Variants in PPP1R12B observed in about 807,000 individuals in gnomAD.
PPP1R12B encodes the protein protein phosphatase 1 regulatory subunit 12B.
PPP1R12B carries 76 observed loss-of-function variants against 126.1 expected under a neutral mutation model. The observed-to-expected ratio is 0.60, with a 90% CI of 0.50 to 0.73. The LOEUF (loss-of-function observed/expected upper bound fraction) is 0.73, where lower values mean the gene tolerates loss of function less well. Among genes scored for constraint, PPP1R12B ranks in the 30% least tolerant of loss-of-function variants. PPP1R12B has a pLI of 0.00. For missense variants in PPP1R12B, 1,052 were observed against 1,205.1 expected (o/e 0.87, Z 1.88); for synonymous variants, 356 against 434.7 (o/e 0.82, Z 2.25).
At chr1:202,441,865 T>G (rs1671662633) in intron 11 of PPP1R12B, among the ~76,000 whole-genome samples, 1 of 150,250 alleles carries the variant, frequency 6.7e-6, no homozygotes, top group Admixed American at 6.6e-5. Flanking sequence ...TTTTCTTTAT[T>G]TTTTTTTTTG....
At chr1:202,446,236 C>CTCTCTCTATATATA (rs1491246158) in intron 12 of PPP1R12B, among the ~76,000 whole-genome samples, 3 of 88,054 alleles carry the variant, frequency 3.4e-5, no homozygotes, top group Non-Finnish European at 4.3e-5. Context: ...CTCTCTCTCT[C>CTCTCTCTATATATA]TATATATATA....
intron 13 of PPP1R12B, among the ~76,000 whole-genome samples, chr1:202,462,391 C>T (rs1365995310): frequency 6.6e-6 from 1 of 152,136 alleles, no homozygotes; most frequent in African/African-American, 2.4e-5. Flanking sequence ...ATTTGTCATG[C>T]GTTTCTCAGC....
chr1:202,443,055 G>C (rs748931528), intron 12 of PPP1R12B: 71 of 970,986 alleles, frequency 7.3e-5, no homozygotes, highest in Non-Finnish European at 8.0e-5. Context: ...GACTTGAGTT[G>C]TTTTTTTTCT....
chr1:202,443,038 A>T, intron 12 of PPP1R12B: 1 of 929,912 alleles, frequency 1.1e-6, no homozygotes, highest in Non-Finnish European at 1.3e-6. Flanking sequence ...AAGCCTGTTA[A>T]TTTAGGGACT....
chr1:202,469,583 G>A (rs539499316), intron 13 of PPP1R12B, among the ~76,000 whole-genome samples: 10 of 152,118 alleles, frequency 6.6e-5, no homozygotes, highest in South Asian at 4.2e-4. Flanking sequence ...TTACAGTGAC[G>A]GTTATGAGAC....
intron 8 of PPP1R12B, among the ~76,000 whole-genome samples, chr1:202,433,370 C>T (rs1670415709): frequency 6.6e-6 from 1 of 152,176 alleles, no homozygotes; most frequent in Non-Finnish European, 1.5e-5. Context: ...TTCTCTGTAG[C>T]CAGGTCTTCA....
chr1:202,529,200 C>T (rs1235090649), intron 18 of PPP1R12B, among the ~76,000 whole-genome samples: 4 of 151,382 alleles, frequency 2.6e-5, no homozygotes, highest in African/African-American at 9.7e-5. Flanking sequence ...TAAACATTTA[C>T]ATTGCATATG....
At position 202,586,880 on chromosome 1, in the gene PPP1R12B, T is replaced by C. The variant is rs1689847425; in HGVS notation, c.*6320T>C. On this transcript the variant is annotated 3_prime_UTR_variant, in exon 24 of 24. Coordinates refer to ENST00000608999, the MANE Select transcript of PPP1R12B (RefSeq NM_002481.4). ...GGTTTAGCAATTTGGGGATAACTCT[T>C]GGATCTAGCTTATGTGCGTTCACAT... is the stretch of plus-strand genomic sequence containing the variant. The C allele has an allele frequency of 6.6e-6, 1 of 152,276 alleles. No homozygotes were observed. Among genetic ancestry groups the C allele is most frequent in the African/African-American group, 2.4e-5 (1 of 41,478 alleles). 9.4% of individuals were successfully genotyped at this position (152,276 alleles called of 1,614,324 possible).
At chr1:202,438,621 CGCCCCGTCCCTG>C in intron 10 of PPP1R12B, 1 of 507,210 alleles carries the variant, frequency 2.0e-6, no homozygotes, top group South Asian at 1.8e-5. Context: ...AGCCTGAGCC[CGCCCCGTCCCTG>C]GCCCCGGAAG....
intron 18 of PPP1R12B, among the ~76,000 whole-genome samples, chr1:202,498,348 A>G (rs879317422): frequency 7.2e-5 from 11 of 152,248 alleles, no homozygotes; most frequent in Non-Finnish European, 1.5e-4. Flanking sequence ...TGTGAATCAA[A>G]AAGAATAAAC....
chr1:202,386,962 G>A (rs974932652), intron 1 of PPP1R12B, among the ~76,000 whole-genome samples: 2 of 152,122 alleles, frequency 1.3e-5, no homozygotes, highest in African/African-American at 4.8e-5. Flanking sequence ...AATAAGTTAG[G>A]TGATAAGAAC....
At chr1:202,503,928 T>C (rs1409582287) in intron 18 of PPP1R12B, among the ~76,000 whole-genome samples, 8 of 152,112 alleles carry the variant, frequency 5.3e-5, no homozygotes, top group Non-Finnish European at 1.0e-4. Context: ...TGCAACCTTG[T>C]CTAGAGGCCT....
intron 18 of PPP1R12B, among the ~76,000 whole-genome samples, chr1:202,551,208 G>T (rs1686281098): frequency 1.3e-5 from 2 of 152,120 alleles, no homozygotes; most frequent in Non-Finnish European, 2.9e-5. Flanking sequence ...TTTATAATAT[G>T]AACTGAATGT....
chr1:202,377,341 C>T (rs548303242), intron 1 of PPP1R12B, among the ~76,000 whole-genome samples: 10 of 148,876 alleles, frequency 6.7e-5, no homozygotes, highest in Admixed American at 6.7e-5. Flanking sequence ...TTCGCTCTGT[C>T]GCCCAGGCTG....
chr1:202,478,394 A>G (rs1676944402), intron 13 of PPP1R12B, among the ~76,000 whole-genome samples: 1 of 152,228 alleles, frequency 6.6e-6, no homozygotes, highest in Non-Finnish European at 1.5e-5. Context: ...CGCAGCTATA[A>G]GTTAGGCACA....
chr1:202,562,744 A>T, intron 19 of PPP1R12B, 34 bp from the exon 20 acceptor site: 1 of 1,602,110 alleles, frequency 6.2e-7, no homozygotes, highest in Non-Finnish European at 8.5e-7. Context: ...TTGTTCTCAA[A>T]ACCAATTTTT....
intron 1 of PPP1R12B, among the ~76,000 whole-genome samples, chr1:202,404,805 T>C (rs1230649540): frequency 6.6e-6 from 1 of 152,200 alleles, no homozygotes; most frequent in Non-Finnish European, 1.5e-5. Context: ...CCAGCCCAAA[T>C]AATGTTTATA....
At chr1:202,359,096 C>T (rs1657654934) in intron 1 of PPP1R12B, among the ~76,000 whole-genome samples, 1 of 152,102 alleles carries the variant, frequency 6.6e-6, no homozygotes, top group Non-Finnish European at 1.5e-5. Flanking sequence ...TATAGATCCT[C>T]ATCTCCAGTA....
At chr1:202,509,122 G>A (rs922731644) in intron 18 of PPP1R12B, among the ~76,000 whole-genome samples, 20 of 152,212 alleles carry the variant, frequency 1.3e-4, no homozygotes, top group African/African-American at 4.3e-4. Context: ...GATAGAAAAA[G>A]TATTTGCTAA....
Sources: gnomAD v4.1 joint callset for allele counts (sites outside exome capture counted in the v4.1 genomes callset) on GRCh38, gnomAD v4.1.1 for gene constraint, MANE v1.5 for transcripts, NCBI Gene and HGNC (gene_info 2026-07-23, HGNC 2026-07-21) for gene names.